PRDM16: variants seen among roughly 807,000 people sequenced by gnomAD.
The protein encoded by PRDM16 is PR/SET domain 16.
In PRDM16, 23 loss-of-function variants were observed where a neutral mutation model predicts 110.6. The ratio of observed to expected loss-of-function variants is 0.21; its 90% confidence interval spans 0.15 to 0.29. The LOEUF (loss-of-function observed/expected upper bound fraction) is 0.29. PRDM16 is among the 10% of genes least tolerant of loss of function. The pLI, the probability that PRDM16 is intolerant of heterozygous loss-of-function variation, is 1.00. For missense variants in PRDM16, 1,615 were observed against 1,794.3 expected, an observed-to-expected ratio of 0.90 and a Z score of 1.81; for synonymous variants, 799 against 781.8, an observed-to-expected ratio of 1.02 and a Z score of -0.37.
chr1:3,074,543 T>G (rs1002237499), intron 1 of PRDM16, among the ~76,000 whole-genome samples: 45 of 151,442 alleles, frequency 3.0e-4, no homozygotes, highest in African/African-American at 1.0e-3. Flanking sequence ...AGCGTGTAAG[T>G]GACCTCACAC....
intron 2 of PRDM16, among the ~76,000 whole-genome samples, chr1:3,198,388 G>A (rs16823459): frequency 0.021 from 3,214 of 152,350 alleles, 98 homozygotes; most frequent in South Asian, 0.11. Flanking sequence ...TGTCGTTTGG[G>A]ACATATGTGA....
chr1:3,252,798 C>T (rs1477521092), intron 3 of PRDM16, among the ~76,000 whole-genome samples: 2 of 152,096 alleles, frequency 1.3e-5, no homozygotes, highest in Non-Finnish European at 2.9e-5. Context: ...GCAGCAGTGC[C>T]GAGCCTCCCC....
At chr1:3,181,273 C>T (rs1414142995) in intron 1 of PRDM16, among the ~76,000 whole-genome samples, 1 of 138,100 alleles carries the variant, frequency 7.2e-6, no homozygotes, top group African/African-American at 2.7e-5. Context: ...TACACACGGC[C>T]TTACGCATGG....
At chr1:3,273,929 G>C (rs573957432) in intron 3 of PRDM16, among the ~76,000 whole-genome samples, 7 of 147,094 alleles carry the variant, frequency 4.8e-5, no homozygotes, top group East Asian at 2.0e-4. Context: ...TGTTGTGTGC[G>C]TGTGTCCCAG....
At chr1:3,302,212 AAC>A (rs1641221210) in intron 3 of PRDM16, among the ~76,000 whole-genome samples, 2 of 152,204 alleles carry the variant, frequency 1.3e-5, no homozygotes, top group South Asian at 4.2e-4. Flanking sequence ...CCCCTTATCT[AAC>A]ACAGGCGTCT....
intron 2 of PRDM16, among the ~76,000 whole-genome samples, chr1:3,187,985 G>C (rs1474508596): frequency 6.6e-6 from 1 of 152,202 alleles, no homozygotes; most frequent in African/African-American, 2.4e-5. Flanking sequence ...GCCCAAGGTC[G>C]GGTCACCTTC....
intron 1 of PRDM16, among the ~76,000 whole-genome samples, chr1:3,126,659 G>A (rs1364781881): frequency 1.3e-5 from 2 of 152,214 alleles, no homozygotes; most frequent in Non-Finnish European, 2.9e-5. Flanking sequence ...CCTGGGCTCT[G>A]TCAGGGACCC....
At position 3,358,717 on chromosome 1, in the gene PRDM16, C is replaced by T. The variant is rs574999313; in HGVS notation, c.439-26435C>T. ...CCGTGAACAAATATCGCCACGTGTG[C>T]GCGATCAGAGCTGAGTAACCTGCTC... On this transcript the variant is annotated intron_variant, in intron 3 of 16. Transcript: ENST00000270722. The surrounding 1 kb of genome is among the most constrained non-coding windows in gnomAD (Gnocchi z 4.0). Among the ~76,000 whole-genome samples the T allele has an allele frequency of 1.3e-5, 2 of 152,276 alleles. No homozygotes were observed. The highest frequency in any genetic ancestry group is 6.5e-5 in the Admixed American group (1 of 15,302).
intron 3 of PRDM16, among the ~76,000 whole-genome samples, chr1:3,378,448 C>T (rs114773823): frequency 0.026 from 3,931 of 152,228 alleles, 148 homozygotes; most frequent in African/African-American, 0.089. Flanking sequence ...CGGGGACCCT[C>T]CCTCTGGTCC....
chr1:3,344,157 C>G (rs979146109), intron 3 of PRDM16, among the ~76,000 whole-genome samples: 1 of 152,074 alleles, frequency 6.6e-6, no homozygotes, highest in Non-Finnish European at 1.5e-5. Context: ...GACAACATAA[C>G]AAGACTCCCT....
At chr1:3,251,664 C>T (rs938127925) in intron 3 of PRDM16, among the ~76,000 whole-genome samples, 1 of 152,208 alleles carries the variant, frequency 6.6e-6, no homozygotes, top group African/African-American at 2.4e-5. Flanking sequence ...GCAACTCCCA[C>T]AGCAGGGTGC....
At chr1:3,331,301 C>CT (rs1239426238) in intron 3 of PRDM16, among the ~76,000 whole-genome samples, 1 of 151,950 alleles carries the variant, frequency 6.6e-6, no homozygotes, top group Non-Finnish European at 1.5e-5. Context: ...GCAGCCCCCC[C>CT]CCGGCACACT....
chr1:3,077,907 C>T (rs1188929236), intron 1 of PRDM16, among the ~76,000 whole-genome samples: 1 of 152,222 alleles, frequency 6.6e-6, no homozygotes, highest in Non-Finnish European at 1.5e-5. Context: ...TGAAATAAAA[C>T]ATGAAATGAT....
In PRDM16 at chr1:3,143,320, G is replaced by A. The variant is rs116511508; in HGVS notation, c.38-42805G>A. ...AGGACTTCGTCAGGTGTCAGGACTC[G>A]GGACAGCAGGACCCTCAGGCAGTAG... On this transcript the variant is annotated intron_variant, in intron 1 of 16. Coordinates refer to ENST00000270722, the MANE Select transcript of PRDM16 (RefSeq NM_022114.4). The surrounding 1 kb of genome is among the most constrained non-coding windows in gnomAD (Gnocchi z 4.5). Among the ~76,000 whole-genome samples the A allele has an allele frequency of 5.3e-3, 813 of 152,258 alleles. 5 individuals are homozygous for A. Among genetic ancestry groups the A allele is most frequent in the African/African-American group, 0.019 (780 of 41,534 alleles).
chr1:3,359,367 C>T lies in PRDM16; in HGVS notation c.439-25785C>T, dbSNP rs1300576935. 6.6e-6 allele frequency among the ~76,000 whole-genome samples: 1 copy of T among 152,234 alleles called. No homozygotes were observed. The highest frequency in any genetic ancestry group is 1.5e-5 in the Non-Finnish European group (1 of 68,044). Reference sequence around the variant, plus strand: ...AAAACAGCCTCAGAACTATCAGGGTCTCCCTTCCGACCAGGGCCTGAGGCA... The same window carrying T: ...AAAACAGCCTCAGAACTATCAGGGTTTCCCTTCCGACCAGGGCCTGAGGCA... On this transcript the variant is annotated intron_variant, in intron 3 of 16. Coordinates refer to ENST00000270722, the MANE Select transcript of PRDM16 (RefSeq NM_022114.4). The surrounding 1 kb of genome is among the most constrained non-coding windows in gnomAD (Gnocchi z 4.3).
chr1:3,114,355 T>TGCACACAC (rs201290470), intron 1 of PRDM16, among the ~76,000 whole-genome samples: 1 of 108,664 alleles, frequency 9.2e-6, no homozygotes, highest in African/African-American at 3.5e-5. Context: ...CATGCACACA[T>TGCACACAC]GCACACACGC....
At chr1:3,247,575 C>G (rs1001720843) in intron 3 of PRDM16, among the ~76,000 whole-genome samples, 2 of 152,216 alleles carry the variant, frequency 1.3e-5, no homozygotes, top group African/African-American at 2.4e-5. Flanking sequence ...CTCCGTCCTT[C>G]CTGCGCCCCT....
intron 3 of PRDM16, among the ~76,000 whole-genome samples, chr1:3,268,208 G>A (rs1179371112): frequency 6.6e-6 from 1 of 151,916 alleles, no homozygotes; most frequent in Admixed American, 6.6e-5. Flanking sequence ...CCCCGGCTCG[G>A]CGCGCGTCAG....
At chr1:3,258,407 C>G (rs566923359) in intron 3 of PRDM16, among the ~76,000 whole-genome samples, 3 of 152,148 alleles carry the variant, frequency 2.0e-5, no homozygotes, top group Non-Finnish European at 2.9e-5. Context: ...GAATAATACT[C>G]TCTTTCAGCG....
Sources: allele counts gnomAD v4.1 joint callset (sites outside exome capture counted in the v4.1 genomes callset), GRCh38; gene constraint gnomAD v4.1.1; non-coding constraint Gnocchi (gnomAD v3.1); transcripts MANE v1.5; gene names NCBI Gene and HGNC (gene_info 2026-07-23, HGNC 2026-07-21).